Variants in USP34 observed in about 807,000 individuals in gnomAD.
USP34 encodes ubiquitin specific peptidase 34.
In USP34, 70 loss-of-function variants were observed where a neutral mutation model predicts 460.3. That is an observed-to-expected ratio of 0.15 (90% CI 0.13 to 0.19). The LOEUF (loss-of-function observed/expected upper bound fraction) is 0.19, where lower values mean the gene tolerates loss of function less well. Ranked by LOEUF, USP34 falls within the 10% of genes least tolerant of loss-of-function variation. USP34 has a pLI of 1.00. For synonymous variants in USP34, 1,647 were observed against 1,405.3 expected (o/e 1.17, Z -3.85); for missense variants, 3,985 against 4,236.2 (o/e 0.94, Z 1.65).
At chr2:61,444,998 C>G (rs1387443354) in intron 1 of USP34, among the ~76,000 whole-genome samples, 1 of 151,066 alleles carries the variant, frequency 6.6e-6, no homozygotes, top group Non-Finnish European at 1.5e-5. Context: ...TAGGTGATTT[C>G]TCTGTATAAA....
At chr2:61,302,782 T>G (rs1198512519) in intron 27 of USP34, among the ~76,000 whole-genome samples, 1 of 152,196 alleles carries the variant, frequency 6.6e-6, no homozygotes, top group Non-Finnish European at 1.5e-5. Flanking sequence ...TCCTTTTGAA[T>G]TTTTCTCCCA....
At chr2:61,205,418 C>T (rs918720529) in intron 72 of USP34, among the ~76,000 whole-genome samples, 67 of 152,018 alleles carry the variant, frequency 4.4e-4, no homozygotes, top group African/African-American at 1.4e-3. Context: ...TTGCACAGAA[C>T]GTCAAGACGG....
chr2:61,194,064 A>G (rs1196080934), intron 75 of USP34: 4 of 973,350 alleles, frequency 4.1e-6, no homozygotes, highest in Non-Finnish European at 4.9e-6. Flanking sequence ...GGTTATACAA[A>G]AACAGGCAGC....
At chr2:61,458,366 G>A (rs935071528) in intron 1 of USP34, among the ~76,000 whole-genome samples, 1 of 151,750 alleles carries the variant, frequency 6.6e-6, no homozygotes, top group Non-Finnish European at 1.5e-5. Context: ...TTCAAGAGAA[G>A]CCTGGCCAAC....
intron 15 of USP34, among the ~76,000 whole-genome samples, chr2:61,347,602 G>A (rs1691811550): frequency 6.6e-6 from 1 of 152,140 alleles, no homozygotes; most frequent in African/African-American, 2.4e-5. Flanking sequence ...TCAAACTCCT[G>A]ACCTCAAGTG....
intron 2 of USP34, among the ~76,000 whole-genome samples, chr2:61,412,494 G>A (rs1418174681): frequency 6.6e-6 from 1 of 151,966 alleles, no homozygotes; most frequent in Non-Finnish European, 1.5e-5. Context: ...ATCATTTACA[G>A]TTTAAAAACC....
chr2:61,343,180 AG>A (rs1395630770), intron 16 of USP34, among the ~76,000 whole-genome samples: 2 of 152,198 alleles, frequency 1.3e-5, no homozygotes, highest in East Asian at 3.9e-4. Context: ...ACCAAACAAG[AG>A]GTTTAAGGCC....
intron 1 of USP34, among the ~76,000 whole-genome samples, chr2:61,452,688 C>A: frequency 6.6e-6 from 1 of 151,080 alleles, no homozygotes; most frequent in African/African-American, 2.4e-5. Context: ...GTTCGAGACC[C>A]ACCTGGGAAA....
intron 1 of USP34, among the ~76,000 whole-genome samples, chr2:61,458,710 CAT>C (rs34776711): frequency 0.64 from 96,769 of 151,082 alleles, 31,105 homozygotes; most frequent in Middle Eastern, 0.7. Flanking sequence ...CAAGGTAGGC[CAT>C]ATTTCACTCC....
rs1160494973 is a variant in USP34, at chr2:61,266,081, TGAA to T, written c.5517_5519del (p.Ser1840del). ...CTAACAAATCGTAAGCGGCAGCTCT[TGAA>T]GAATGTGATTTGCACTTTGGCTGTT... On this transcript the variant is annotated inframe_deletion, in exon 42 of 80. Coordinates refer to ENST00000398571, the MANE Select transcript of USP34 (RefSeq NM_014709.4). 1 of 1,614,028 alleles carries T rather than the reference TGAA, an allele frequency of 6.2e-7. No homozygotes were observed. Among genetic ancestry groups the T allele is most frequent in the East Asian group, 2.2e-5 (1 of 44,876 alleles).
At chr2:61,366,051 G>A (rs920106070) in intron 10 of USP34, among the ~76,000 whole-genome samples, 2 of 152,134 alleles carry the variant, frequency 1.3e-5, no homozygotes, top group East Asian at 1.9e-4. Flanking sequence ...TCAGCCTCCT[G>A]AGTAGCTGGG....
chr2:61,319,897 A>T (rs999698184), intron 21 of USP34, among the ~76,000 whole-genome samples: 2 of 152,220 alleles, frequency 1.3e-5, no homozygotes, highest in South Asian at 2.1e-4. Context: ...TAACACTTTG[A>T]ATATTAAACA....
intron 5 of USP34, among the ~76,000 whole-genome samples, chr2:61,388,915 T>A (rs1244787799): frequency 6.6e-6 from 1 of 152,006 alleles, no homozygotes; most frequent in African/African-American, 2.4e-5. Context: ...TGTAATAACC[T>A]AAATGTCCAT....
intron 60 of USP34, 38 bp downstream of exon 60, chr2:61,228,789 G>A: frequency 6.3e-7 from 1 of 1,585,190 alleles, no homozygotes; most frequent in East Asian, 2.2e-5. Flanking sequence ...ACTGAAAAAA[G>A]GTAGATAATC....
At chr2:61,389,326 C>T (rs997513415) in intron 5 of USP34, among the ~76,000 whole-genome samples, 4 of 151,982 alleles carry the variant, frequency 2.6e-5, no homozygotes, top group African/African-American at 4.8e-5. Context: ...ACTTTGTGTA[C>T]GTTTCTTTAT....
At position 61,319,338 on chromosome 2, in the gene USP34, A is replaced by T; in HGVS notation, c.3014-11T>A. ...GCTCTAAACTTAACCCTAGATAAAA[A>T]TTATAAATTTTATACTTTATTAACT... On this transcript the variant is annotated splice_polypyrimidine_tract_variant and intron_variant, in intron 21 of 79. Transcript: ENST00000398571. 1 of 1,518,378 alleles carries T rather than the reference A, an allele frequency of 6.6e-7. No individual in the cohort carries two copies. Among genetic ancestry groups the T allele is most frequent in the East Asian group, 2.4e-5 (1 of 41,742 alleles). 94.1% of individuals were successfully genotyped at this position (1,518,378 alleles called of 1,614,324 possible). A position where few individuals can be genotyped will look rare whatever the true frequency, so the allele number is the denominator to read the frequency against.
chr2:61,327,062 A>G (rs1361689692), intron 20 of USP34, among the ~76,000 whole-genome samples: 1 of 152,118 alleles, frequency 6.6e-6, no homozygotes, highest in African/African-American at 2.4e-5. Context: ...CTGGGATTTC[A>G]GGCATGAGCC....
chr2:61,194,998 C>A (rs543600884), intron 75 of USP34, among the ~76,000 whole-genome samples: 59 of 150,568 alleles, frequency 3.9e-4, no homozygotes, highest in African/African-American at 1.4e-3. Flanking sequence ...GTGACTCACG[C>A]TGGTAATCCC....
At chr2:61,247,121 T>G (rs1016512892) in intron 49 of USP34, among the ~76,000 whole-genome samples, 1 of 152,238 alleles carries the variant, frequency 6.6e-6, no homozygotes. Context: ...CCCAAAGATT[T>G]AAAATATAAA....
Sources: gnomAD v4.1 joint callset for allele counts (sites outside exome capture counted in the v4.1 genomes callset) on GRCh38, gnomAD v4.1.1 for gene constraint, MANE v1.5 for transcripts, NCBI Gene and HGNC (gene_info 2026-07-23, HGNC 2026-07-21) for gene names.